Variants in HEG1 observed in about 807,000 individuals in gnomAD.
HEG1 encodes protein HEG homolog 1.
HEG1 carries 56 observed loss-of-function variants against 125.6 expected under a neutral mutation model. That is an observed-to-expected ratio of 0.45 (90% CI 0.36 to 0.56). The LOEUF (loss-of-function observed/expected upper bound fraction) is 0.56, where lower values mean the gene tolerates loss of function less well. Among genes scored for constraint, HEG1 ranks in the 20% least tolerant of loss-of-function variants. The pLI is 0.00. For synonymous variants in HEG1, 644 were observed against 668.5 expected (o/e 0.96, Z 0.57); for missense variants, 1,523 against 1,670.0 (o/e 0.91, Z 1.53).
rs187308015 is a variant in HEG1 at position 125,031,941 on chromosome 3, G to C, written c.317-2453C>G. On this transcript the variant is annotated intron_variant, in intron 1 of 16. Transcript: ENST00000311127. ...GTACACTTTAAATTTTCTAGTAGCTGCATTTTTAAAATTAAAAAATGTGAA... is the reference window on the plus strand; with the variant it reads ...GTACACTTTAAATTTTCTAGTAGCTCCATTTTTAAAATTAAAAAATGTGAA... Among the ~76,000 whole-genome samples, 8 of 152,114 alleles carry C rather than the reference G, an allele frequency of 5.3e-5. No homozygotes were observed. The East Asian group carries it at 1.5e-3, about 29-fold the overall frequency.
chr3:124,986,038 A>G (rs1936732775), intron 14 of HEG1, among the ~76,000 whole-genome samples: 3 of 152,206 alleles, frequency 2.0e-5, no homozygotes, highest in African/African-American at 7.2e-5. Flanking sequence ...TCGGCCTCCC[A>G]AAGTGCTGGG....
At chr3:124,988,548 C>T (rs1936781003) in intron 14 of HEG1, among the ~76,000 whole-genome samples, 1 of 152,096 alleles carries the variant, frequency 6.6e-6, no homozygotes, top group African/African-American at 2.4e-5. Flanking sequence ...GTTCTATGGC[C>T]CCACAGTGTC....
chr3:125,012,215 T>G (rs979555553), intron 6 of HEG1, among the ~76,000 whole-genome samples: 1 of 152,164 alleles, frequency 6.6e-6, no homozygotes, highest in Non-Finnish European at 1.5e-5. Flanking sequence ...TTGATCCCTG[T>G]GTCAGCCAGG....
intron 1 of HEG1, among the ~76,000 whole-genome samples, chr3:125,054,649 G>C (rs569933239): frequency 1.3e-5 from 2 of 152,314 alleles, no homozygotes; most frequent in South Asian, 4.1e-4. Flanking sequence ...TCACTCACAG[G>C]AAGGCAAAGG....
intron 14 of HEG1, among the ~76,000 whole-genome samples, chr3:124,990,357 A>T (rs1266007733): frequency 8.3e-4 from 121 of 145,138 alleles, no homozygotes; most frequent in Middle Eastern, 3.5e-3. Context: ...TTTTTTTTTT[A>T]AAACGAAGTG....
intron 1 of HEG1, among the ~76,000 whole-genome samples, chr3:125,035,242 A>T (rs1226606385): frequency 6.7e-6 from 1 of 150,228 alleles, no homozygotes; most frequent in Non-Finnish European, 1.5e-5. Context: ...TGGGGCTTAC[A>T]GAAGTGGTAA....
chr3:125,039,285 T>C (rs910461375), intron 1 of HEG1, among the ~76,000 whole-genome samples: 5 of 152,144 alleles, frequency 3.3e-5, no homozygotes, highest in East Asian at 1.9e-4. Context: ...AGCCCAAGAA[T>C]AGGATTTCCT....
chr3:125,031,886 G>C (rs1206564826), intron 1 of HEG1, among the ~76,000 whole-genome samples: 4 of 152,028 alleles, frequency 2.6e-5, no homozygotes, highest in African/African-American at 7.3e-5. Context: ...CTGCCTAAGA[G>C]ATACTGAGTC....
In HEG1 at chr3:125,001,965, G is replaced by T; in HGVS notation, c.3404C>A (p.Ala1135Asp). 3 of 1,613,996 alleles carry T rather than the reference G, an allele frequency of 1.9e-6. No individual in the cohort carries two copies. In the Admixed American group the frequency reaches 5.0e-5, roughly 27 times the overall value. ...CAGGTCAAATAGCGTCACATTGGAG[G>T]CCAGGGAAAAGGTTGTTTGCAGTGA... ...VISLQTTFSL[A>D]SNVTLFDLAD... The change falls in exon 11 of 17, where the codon GCC becomes GAC. Residue 1135 changes from alanine to aspartate, a missense_variant. Transcript: ENST00000311127.
At chr3:124,979,207 C>G (rs1429531167) in intron 14 of HEG1, among the ~76,000 whole-genome samples, 2 of 152,162 alleles carry the variant, frequency 1.3e-5, no homozygotes, top group African/African-American at 4.8e-5. Flanking sequence ...CAGCCTCGGC[C>G]TCCCAAAGTG....
intron 8 of HEG1, among the ~76,000 whole-genome samples, chr3:125,008,626 C>T (rs1937105910): frequency 1.3e-5 from 2 of 152,100 alleles, no homozygotes; most frequent in Non-Finnish European, 2.9e-5. Flanking sequence ...GGCAAAGCCC[C>T]TTCTATACTA....
At chr3:125,002,211 C>T (rs760529332) in intron 10 of HEG1, 46 bp downstream of exon 10, 2 of 1,575,390 alleles carry the variant, frequency 1.3e-6, no homozygotes, top group Admixed American at 3.4e-5. Context: ...AACAGCCTCC[C>T]CTTTGTACAG....
In HEG1 at chr3:125,010,509, G is replaced by A. The variant is rs376289125; in HGVS notation, c.3003C>T (p.Val1001=). 49 of 1,560,250 alleles carry A rather than the reference G, an allele frequency of 3.1e-5. No individual in the cohort carries two copies. In the East Asian group the frequency reaches 3.6e-4, roughly 11 times the overall value. Residue 1001 remains valine (V), a synonymous_variant, in exon 7 of 17, where the codon GTC becomes GTT. Coordinates refer to ENST00000311127, the MANE Select transcript of HEG1 (RefSeq NM_020733.2). ...VNPCLHNGEC[V]ADNTSRGYHC... ...GGTAGCCACGGCTGGTGTTGTCTGCGACGCATTCGCCATTGTGAAGACAAG... is the reference window on the plus strand; with the variant it reads ...GGTAGCCACGGCTGGTGTTGTCTGCAACGCATTCGCCATTGTGAAGACAAG...
At chr3:125,026,021 T>C (rs1326794182) in intron 3 of HEG1, among the ~76,000 whole-genome samples, 1 of 152,224 alleles carries the variant, frequency 6.6e-6, no homozygotes, top group Non-Finnish European at 1.5e-5. Context: ...TAAAAACCTC[T>C]GACCTGTAAA....
intron 6 of HEG1, among the ~76,000 whole-genome samples, chr3:125,011,139 T>C (rs1337724262): frequency 1.3e-5 from 2 of 152,176 alleles, no homozygotes; most frequent in African/African-American, 4.8e-5. Flanking sequence ...TCATACAGGT[T>C]TCTGACATAC....
intron 14 of HEG1, among the ~76,000 whole-genome samples, chr3:124,980,095 A>G (rs1269605987): frequency 6.6e-6 from 1 of 152,240 alleles, no homozygotes; most frequent in African/African-American, 2.4e-5. Flanking sequence ...AACAAAAGTG[A>G]AGACAGAAAA....
intron 1 of HEG1, 140 bp from the exon 2 acceptor site, chr3:125,029,628 A>G: frequency 1.3e-6 from 1 of 758,288 alleles, no homozygotes; most frequent in Non-Finnish European, 2.1e-6. Context: ...GATGGCTCAC[A>G]CCTATAATCC....
In HEG1 at chr3:124,985,062, G is replaced by A. The variant is rs960903026; in HGVS notation, c.3733+5725C>T. ...AAAAGACATACACATATATATCTCT[G>A]GAAAAATATATAATACCAGTGTTTC... On this transcript the variant is annotated intron_variant, in intron 14 of 16. Coordinates refer to ENST00000311127, the MANE Select transcript of HEG1 (RefSeq NM_020733.2). Among the ~76,000 whole-genome samples, 22 of 152,226 alleles carry A rather than the reference G, an allele frequency of 1.4e-4. No homozygotes were observed. The South Asian group carries it at 4.6e-3, about 32-fold the overall frequency.
chr3:124,982,716 T>C (rs1289563234), intron 14 of HEG1, among the ~76,000 whole-genome samples: 1 of 152,190 alleles, frequency 6.6e-6, no homozygotes, highest in African/African-American at 2.4e-5. Context: ...ACTATCTGCT[T>C]AGCCACCCCC....
Sources: allele counts gnomAD v4.1 joint callset (sites outside exome capture counted in the v4.1 genomes callset), GRCh38; gene constraint gnomAD v4.1.1; transcripts MANE v1.5; gene names NCBI Gene and HGNC (gene_info 2026-07-23, HGNC 2026-07-21).